Variants in COL3A1 observed in about 807,000 individuals in gnomAD.
COL3A1 encodes collagen alpha-1(III) chain.
Under a neutral mutation model 200.9 loss-of-function variants are expected in COL3A1, and 46 were observed. The observed-to-expected ratio is 0.23, with a 90% confidence interval of 0.18 to 0.29. COL3A1 has a LOEUF of 0.29. Among genes scored for constraint, COL3A1 ranks in the 10% least tolerant of loss-of-function variants. The probability of loss-of-function intolerance (pLI) is 1.00; values close to 1 mark genes in which losing one functional copy is unlikely to be tolerated. For missense variants in COL3A1, 1,367 were observed against 1,917.6 expected (o/e 0.71, Z 5.36); for synonymous variants, 650 against 628.0 (o/e 1.03, Z -0.52).
At chr2:188,975,844 C>G (rs547913164) in intron 1 of COL3A1, among the ~76,000 whole-genome samples, 1 of 152,064 alleles carries the variant, frequency 6.6e-6, no homozygotes, top group East Asian at 1.9e-4. Flanking sequence ...TCTCTCCACC[C>G]CTTTTGGCTC....
Position 188,999,857 on chromosome 2 carries a change from C to G in COL3A1, c.2245C>G (p.Pro749Ala), listed in dbSNP as rs762257443. 4.4e-6 allele frequency: 7 copies of G among 1,595,688 alleles called. No individual in the cohort carries two copies. The South Asian group carries it at 8.0e-5, about 18-fold the overall frequency. ...PKGDKGEPGG[P>A]GADGVPGKDG... ...TATTTGACAGGGTGAACCAGGCGGT[C>G]CAGGTGCTGATGGTGTCCCAGGGAA... is the stretch of plus-strand genomic sequence containing the variant. Residue 749 changes from proline to alanine, a missense_variant, in exon 32 of 51, where the codon CCA becomes GCA. Pro to Ala is a conservative substitution (Grantham distance 27, BLOSUM62 -1). Transcript: ENST00000304636.
intron 45 of COL3A1, 100 bp downstream of exon 45, chr2:189,007,707 G>C: frequency 1.6e-6 from 2 of 1,243,814 alleles, no homozygotes; most frequent in East Asian, 5.0e-5. Flanking sequence ...TACTAGAAGA[G>C]ATGAGAAATG....
intron 2 of COL3A1, 113 bp downstream of exon 2, chr2:188,985,075 G>A: frequency 7.1e-7 from 1 of 1,405,168 alleles, no homozygotes; most frequent in Non-Finnish European, 1.0e-6. Flanking sequence ...AAATAGCCAT[G>A]TTTGTATTAC....
rs13306269 is a variant in COL3A1, at chr2:188,996,066, T to C, written c.1609-59T>C. 0.042 allele frequency: 60,674 copies of C among 1,446,218 alleles called. 5,152 individuals carry two copies. Among genetic ancestry groups the C allele is most frequent in the African/African-American group, 0.35 (25,126 of 71,038 alleles). 89.6% of individuals were successfully genotyped at this position (1,446,218 alleles called of 1,614,324 possible). A position where few individuals can be genotyped will look rare whatever the true frequency, so the allele number is the denominator to read the frequency against. ...ATATCAAAATCATACAAATAGTGTA[T>C]GTAGTAATTTTTTATTATTTCATTT... On this transcript the variant is annotated intron_variant, in intron 22 of 50. Coordinates refer to ENST00000304636, the MANE Select transcript of COL3A1 (RefSeq NM_000090.4).
intron 3 of COL3A1, 97 bp downstream of exon 3, chr2:188,985,344 T>G: frequency 3.2e-6 from 3 of 938,876 alleles, no homozygotes; most frequent in Non-Finnish European, 5.2e-6. Context: ...ATACATTCTC[T>G]TCATTACCAC....
At chr2:189,008,636 G>A (rs192250217) in intron 47 of COL3A1, 95 of 511,924 alleles carry the variant, frequency 1.9e-4, no homozygotes, top group Non-Finnish European at 3.0e-4. Flanking sequence ...GTAGCTCACA[G>A]GTGTTTGCTT....
In COL3A1 at chr2:188,992,953, T is replaced by C; in HGVS notation, c.1050+13T>C. The C allele has an allele frequency of 6.2e-7, 1 of 1,613,174 alleles. No individual in the cohort carries two copies. Among genetic ancestry groups the C allele is most frequent in the African/African-American group, 1.3e-5 (1 of 74,998 alleles). ...CCCTGGTGCTAAGGTAAACATGTGT[T>C]TCTATAGAAGGGTATAAAAATATCT... On this transcript the variant is annotated intron_variant, in intron 15 of 50. Transcript: ENST00000304636.
chr2:188,995,168 C>A, intron 21 of COL3A1, 69 bp downstream of exon 21: 1 of 1,432,662 alleles, frequency 7.0e-7, no homozygotes, highest in Non-Finnish European at 9.8e-7. Flanking sequence ...TATACAATTT[C>A]TCATTCATGA....
At position 188,994,257 on chromosome 2, in the gene COL3A1, T is replaced by G; in HGVS notation, c.1218T>G (p.Ala406=). 1 of 1,614,052 alleles carries G rather than the reference T, an allele frequency of 6.2e-7. No individual in the cohort carries two copies. Among genetic ancestry groups the G allele is most frequent in the Non-Finnish European group, 8.5e-7 (1 of 1,179,976 alleles). The change falls in exon 18 of 51, where the codon GCT becomes GCG. Residue 406 remains alanine, a synonymous_variant. Coordinates refer to ENST00000304636, the MANE Select transcript of COL3A1 (RefSeq NM_000090.4). This position sits in a 1 kb window ranked among gnomAD's most constrained non-coding sequence, Gnocchi z 4.5. The part of the protein sequence containing the change: ...GEMGPAGIPG[A]PGLMGARGPP... ...AGGGTCCCGCTGGCATTCCTGGAGC[T>G]CCTGGACTGATGGGAGCCCGGGGTC...
Position 188,974,585 on chromosome 2 carries a change from T to C in COL3A1, c.79+17T>C, listed in dbSNP as rs1423860658. The C allele has an allele frequency of 6.9e-6, 11 of 1,603,756 alleles. No homozygotes were observed. Among genetic ancestry groups the C allele is most frequent in the Non-Finnish European group, 8.5e-6 (10 of 1,170,664 alleles). On this transcript the variant is annotated intron_variant, in intron 1 of 50. Transcript: ENST00000304636. ...AACAGGAAGGTGAGTAGGTACTGAT[T>C]TCAAGAAACTTTATGGGATTTTTGT...
chr2:188,991,463 G>C, intron 11 of COL3A1, 24 bp from the exon 12 acceptor site: 1 of 1,517,160 alleles, frequency 6.6e-7, no homozygotes, highest in South Asian at 1.2e-5. Flanking sequence ...TTGTAAAATA[G>C]TAACATATTT....
At chr2:188,998,175 T>A (rs1688371424) in intron 27 of COL3A1, 91 bp from the exon 28 acceptor site, 1 of 1,235,694 alleles carries the variant, frequency 8.1e-7, no homozygotes. Context: ...AACTTTTTTT[T>A]AATATCTTGC....
chr2:188,992,749 A>G (rs546047177), intron 14 of COL3A1, 138 bp from the exon 15 acceptor site: 4 of 765,486 alleles, frequency 5.2e-6, no homozygotes, highest in South Asian at 3.0e-5. Flanking sequence ...GTTTCTCTAC[A>G]TAATATCCAT....
chr2:189,004,360 T>C lies in COL3A1; in HGVS notation c.2927T>C (p.Val976Ala), dbSNP rs886038939. Residue 976 changes from valine to alanine, a missense_variant, in exon 40 of 51, where the codon GTC (valine) becomes GCC (alanine). Around this residue, in one of 5 missense-constraint regions of COL3A1, gnomAD observed 846 missense variants for 1,147.9 expected, o/e 0.74. Coordinates refer to ENST00000304636, the MANE Select transcript of COL3A1 (RefSeq NM_000090.4). ...AGGGGAAGCCCTGGCCCTCAGGGTG[T>C]CAAGGTGAGTATAGTCATTTTCCAC... ...GPRGSPGPQG[V>A]KGESGKPGAN... 1 of 1,591,260 alleles carries C rather than the reference T, an allele frequency of 6.3e-7. No homozygotes were observed. Among genetic ancestry groups the C allele is most frequent in the Non-Finnish European group, 8.6e-7 (1 of 1,168,554 alleles).
At chr2:189,004,448 T>A (rs543867319) in intron 40 of COL3A1, 84 bp downstream of exon 40, 1 of 1,275,950 alleles carries the variant, frequency 7.8e-7, no homozygotes, top group East Asian at 2.5e-5. Context: ...ATGAAAAGTT[T>A]TTCTGTCACT....
rs1688537796 is a variant in COL3A1 at position 189,004,277 on chromosome 2, G to T, written c.2844G>T (p.Gly948=). ...QGPPGAPGPL[G]IAGITGARGL... ...ATTAGGGAGCTCCAGGCCCACTTGG[G>T]ATTGCTGGGATCACTGGAGCACGGG... Residue 948 remains glycine, a synonymous_variant, in exon 40 of 51, where the codon GGG becomes GGT. Coordinates refer to ENST00000304636, the MANE Select transcript of COL3A1 (RefSeq NM_000090.4). 1 of 1,606,292 alleles carries T rather than the reference G, an allele frequency of 6.2e-7. No homozygotes were observed. The highest frequency in any genetic ancestry group is 8.5e-7 in the Non-Finnish European group (1 of 1,176,694).
In COL3A1 at chr2:189,004,032, C is replaced by G. The variant is rs375673185; in HGVS notation, c.2712C>G (p.Pro904=). 2 of 1,612,908 alleles carry G rather than the reference C, an allele frequency of 1.2e-6. No individual in the cohort carries two copies. Among genetic ancestry groups the G allele is most frequent in the African/African-American group, 2.7e-5 (2 of 74,840 alleles). The change falls in exon 39 of 51, where the codon CCC becomes CCG. Residue 904 remains proline (P), a synonymous_variant. Coordinates refer to ENST00000304636, the MANE Select transcript of COL3A1 (RefSeq NM_000090.4). The part of the protein sequence containing the change: ...GPSGSPGKDG[P]PGPAGNTGAP... The stretch of plus-strand genomic sequence containing the variant: ...GCGGTTCTCCAGGCAAGGATGGGCC[C>G]CCAGGTCCTGCGGGTAACACTGGTG...
chr2:189,004,996 A>G (rs1163356964), intron 40 of COL3A1, among the ~76,000 whole-genome samples: 4 of 152,198 alleles, frequency 2.6e-5, no homozygotes, highest in Non-Finnish European at 5.9e-5. Context: ...ATAGAGACAA[A>G]TAACCTAATT....
At chr2:188,992,966 T>C (rs768716636) in intron 15 of COL3A1, 26 bp downstream of exon 15, 10 of 1,608,036 alleles carry the variant, frequency 6.2e-6, no homozygotes, top group Non-Finnish European at 8.5e-6. Context: ...TATAGAAGGG[T>C]ATAAAAATAT....
Sources: gnomAD v4.1 joint callset for allele counts (sites outside exome capture counted in the v4.1 genomes callset) on GRCh38, gnomAD v4.1.1 for gene constraint, gnomAD v4.1.1 regional missense constraint, Gnocchi (gnomAD v3.1) non-coding constraint, MANE v1.5 for transcripts, NCBI Gene and HGNC (gene_info 2026-07-23, HGNC 2026-07-21) for gene names.